SRPK1: variants seen among roughly 807,000 people sequenced by gnomAD.
SRPK1 encodes the protein SFRS protein kinase 1.
In SRPK1, 52 loss-of-function variants were observed where a neutral mutation model predicts 89.5. The ratio of observed to expected loss-of-function variants is 0.58; its 90% CI spans 0.46 to 0.73. The LOEUF is 0.73. SRPK1 is among the 30% of genes least tolerant of loss of function. The pLI is 0.00. For missense variants in SRPK1, 603 were observed against 780.6 expected, an observed-to-expected ratio of 0.77 and a Z score of 2.71; for synonymous variants, 255 against 270.2, an observed-to-expected ratio of 0.94 and a Z score of 0.55.
At chr6:35,880,742 A>AAAAAGAAAG (rs781646186) in intron 6 of SRPK1, among the ~76,000 whole-genome samples, 3 of 28,190 alleles carry the variant, frequency 1.1e-4, no homozygotes, top group African/African-American at 3.1e-4. Context: ...AAAGAAAAAA[A>AAAAAGAAAG]AAAAAAAAGA....
chr6:35,909,490 G>T (rs1171654588), intron 2 of SRPK1, among the ~76,000 whole-genome samples: 1 of 152,178 alleles, frequency 6.6e-6, no homozygotes. Context: ...TTGGACTTGG[G>T]ACTCTTGAGT....
In SRPK1 at chr6:35,835,272, G is replaced by A; in HGVS notation, c.*32C>T. The A allele has an allele frequency of 6.3e-7, 1 of 1,589,540 alleles. No individual in the cohort carries two copies. Among genetic ancestry groups the A allele is most frequent in the Non-Finnish European group, 8.6e-7 (1 of 1,163,952 alleles). ...TGAAGGGGAAGGGCGGAGGGTCAGT[G>A]TGTGATCTCTGCTGTGGTGCTGGGC... On this transcript the variant is annotated 3_prime_UTR_variant, in exon 16 of 16. Transcript: ENST00000373825.
chr6:35,835,952 A>G (rs2151076555), intron 15 of SRPK1, among the ~76,000 whole-genome samples: 1 of 152,316 alleles, frequency 6.6e-6, no homozygotes, highest in South Asian at 2.1e-4. Context: ...CATCATGTCA[A>G]GCATGGATAA....
intron 2 of SRPK1, among the ~76,000 whole-genome samples, chr6:35,902,415 T>TA (rs1195503832): frequency 6.6e-6 from 1 of 150,672 alleles, no homozygotes; most frequent in Non-Finnish European, 1.5e-5. Flanking sequence ...ACCCTGTTTC[T>TA]AAAAAATAAA....
rs1023590494 is a variant in SRPK1 at position 35,833,166 on chromosome 6, G to A, written c.*2138C>T. On this transcript the variant is annotated 3_prime_UTR_variant, in exon 16 of 16. Transcript: ENST00000373825. The stretch of plus-strand genomic sequence containing the variant: ...CAAATAGAAATCCTTTAGTGAGATC[G>A]TGGCAATTTGACAGTATTATAATTA... 3.9e-5 allele frequency: 6 copies of A among 152,570 alleles called. No homozygotes were observed. Among genetic ancestry groups the A allele is most frequent in the African/African-American group, 1.4e-4 (6 of 41,432 alleles). The allele number at this position is 152,570 out of a possible 1,614,324, so 9.5% of individuals were successfully genotyped here.
intron 12 of SRPK1, among the ~76,000 whole-genome samples, chr6:35,858,551 A>G (rs1225892513): frequency 3.9e-5 from 6 of 152,186 alleles, no homozygotes; most frequent in Non-Finnish European, 1.5e-5. Flanking sequence ...TGGAAACTAT[A>G]AAACAATGGA....
At chr6:35,853,349 A>G (rs1253486768) in intron 13 of SRPK1, among the ~76,000 whole-genome samples, 1 of 152,218 alleles carries the variant, frequency 6.6e-6, no homozygotes, top group East Asian at 1.9e-4. Context: ...TAGCATTTAT[A>G]TTAGGTATTA....
chr6:35,842,058 A>C (rs1769322158), intron 14 of SRPK1, among the ~76,000 whole-genome samples: 1 of 152,180 alleles, frequency 6.6e-6, no homozygotes, highest in South Asian at 2.1e-4. Context: ...TCCAAAAAAG[A>C]AAAAATTAGT....
chr6:35,866,313 C>T (rs563237262), intron 12 of SRPK1, among the ~76,000 whole-genome samples: 2 of 152,022 alleles, frequency 1.3e-5, no homozygotes, highest in Non-Finnish European at 2.9e-5. Flanking sequence ...TGGCCGGGCG[C>T]GGTGGCTCAT....
At chr6:35,915,732 G>A (rs768753851) in intron 2 of SRPK1, among the ~76,000 whole-genome samples, 3 of 151,972 alleles carry the variant, frequency 2.0e-5, no homozygotes, top group Non-Finnish European at 2.9e-5. Flanking sequence ...TAGCACTTTG[G>A]GAGGCCGAGG....
intron 3 of SRPK1, among the ~76,000 whole-genome samples, chr6:35,889,658 C>T (rs1054620086): frequency 1.3e-5 from 2 of 152,074 alleles, no homozygotes; most frequent in African/African-American, 2.4e-5. Flanking sequence ...ATGGTGCATG[C>T]CTGTAGTCCC....
In SRPK1 at chr6:35,851,507, G is replaced by C. The variant is rs577677367; in HGVS notation, c.1620+5754C>G. On this transcript the variant is annotated intron_variant, in intron 13 of 15. Transcript: ENST00000373825. ...ATATATTCTGAAGGTAGAACACATAGAAACAGCTGATGGACTAGGTGTAGA... is the reference window on the plus strand; with the variant it reads ...ATATATTCTGAAGGTAGAACACATACAAACAGCTGATGGACTAGGTGTAGA... Among the ~76,000 whole-genome samples the C allele has an allele frequency of 2.0e-5, 3 of 152,232 alleles. No individual in the cohort carries two copies. The South Asian group carries it at 6.2e-4, about 32-fold the overall frequency.
chr6:35,909,425 C>T (rs867176159), intron 2 of SRPK1, among the ~76,000 whole-genome samples: 6 of 152,306 alleles, frequency 3.9e-5, no homozygotes, highest in Middle Eastern at 3.4e-3. Flanking sequence ...AAGTAACTAA[C>T]TTGCTTTTGA....
chr6:35,848,923 G>T (rs1474624414), intron 13 of SRPK1, among the ~76,000 whole-genome samples: 1 of 152,144 alleles, frequency 6.6e-6, no homozygotes, highest in African/African-American at 2.4e-5. Flanking sequence ...ACATGACATT[G>T]GTCTGAGCAA....
intron 2 of SRPK1, among the ~76,000 whole-genome samples, chr6:35,914,110 G>C (rs1336664572): frequency 2.6e-5 from 4 of 150,956 alleles, no homozygotes; most frequent in South Asian, 2.1e-4. Context: ...CAAGTAGCTG[G>C]GATTACAGGC....
intron 2 of SRPK1, among the ~76,000 whole-genome samples, chr6:35,900,376 A>C (rs939894980): frequency 3.9e-5 from 6 of 152,218 alleles, no homozygotes; most frequent in Admixed American, 1.3e-4. Flanking sequence ...ACAAGCAAGT[A>C]TGTGTTCATG....
intron 2 of SRPK1, among the ~76,000 whole-genome samples, chr6:35,913,626 C>T (rs1164486345): frequency 5.9e-5 from 9 of 151,816 alleles, no homozygotes; most frequent in African/African-American, 1.9e-4. Context: ...GGTGAAACCC[C>T]GTCTCTACTA....
intron 6 of SRPK1, among the ~76,000 whole-genome samples, chr6:35,878,973 C>T (rs781230170): frequency 6.6e-6 from 1 of 152,032 alleles, no homozygotes; most frequent in Non-Finnish European, 1.5e-5. Flanking sequence ...CACCTGTAAT[C>T]CCAGCTACAT....
At chr6:35,877,643 C>G (rs565259972) in intron 6 of SRPK1, among the ~76,000 whole-genome samples, 1 of 152,100 alleles carries the variant, frequency 6.6e-6, no homozygotes, top group Non-Finnish European at 1.5e-5. Flanking sequence ...GAGTTTGAGA[C>G]CAGCCTGACC....
Sources: allele counts gnomAD v4.1 joint callset (sites outside exome capture counted in the v4.1 genomes callset), GRCh38; gene constraint gnomAD v4.1.1; transcripts MANE v1.5; gene names NCBI Gene and HGNC (gene_info 2026-07-23, HGNC 2026-07-21).